The following SDK1 variants were observed in gnomAD, a reference collection of about 807,000 sequenced individuals.
SDK1 encodes the protein protein sidekick-1.
Under a neutral mutation model 245.5 loss-of-function variants are expected in SDK1, and 157 were observed. The observed-to-expected ratio is 0.64, with a 90% CI of 0.56 to 0.73. The LOEUF (loss-of-function observed/expected upper bound fraction) is 0.73, where lower values mean the gene tolerates loss of function less well. Among genes scored for constraint, SDK1 ranks in the 30% least tolerant of loss-of-function variants. The pLI is 0.00. For missense variants in SDK1, 3,583 were observed against 3,002.3 expected (o/e 1.19, Z -4.52); for synonymous variants, 1,647 against 1,278.5 (o/e 1.29, Z -6.15).
chr7:3,363,845 G>T (rs1363568159), intron 1 of SDK1, among the ~76,000 whole-genome samples: 1 of 152,200 alleles, frequency 6.6e-6, no homozygotes, highest in Non-Finnish European at 1.5e-5. Flanking sequence ...GGTAACAGTT[G>T]TTGGCCTGGG....
intron 38 of SDK1, among the ~76,000 whole-genome samples, chr7:4,211,665 A>C (rs1284417481): frequency 6.6e-6 from 1 of 152,114 alleles, no homozygotes; most frequent in African/African-American, 2.4e-5. Context: ...GCTGAAGTGC[A>C]GTGGCACGAT....
intron 1 of SDK1, among the ~76,000 whole-genome samples, chr7:3,332,459 T>C (rs1446035110): frequency 1.3e-5 from 2 of 152,192 alleles, no homozygotes; most frequent in Non-Finnish European, 2.9e-5. Context: ...ACTTAAAAAT[T>C]GCCCTTTTTC....
At chr7:3,589,222 G>C (rs1222543331) in intron 1 of SDK1, among the ~76,000 whole-genome samples, 2 of 152,090 alleles carry the variant, frequency 1.3e-5, no homozygotes, top group Non-Finnish European at 2.9e-5. Flanking sequence ...CAGTTGGTGC[G>C]GACTCTTTGA....
chr7:3,628,565 T>C (rs1456122672), intron 2 of SDK1, among the ~76,000 whole-genome samples: 5 of 152,086 alleles, frequency 3.3e-5, no homozygotes, highest in African/African-American at 9.7e-5. Flanking sequence ...ACAACAGATA[T>C]CTCTGGCAAC....
intron 5 of SDK1, among the ~76,000 whole-genome samples, chr7:3,939,598 G>C (rs144646142): frequency 6.6e-6 from 1 of 152,162 alleles, no homozygotes; most frequent in Admixed American, 6.5e-5. Flanking sequence ...GGATCTCCCT[G>C]CTGCCTGCAC....
intron 38 of SDK1, among the ~76,000 whole-genome samples, chr7:4,218,715 G>T (rs1045516496): frequency 6.6e-6 from 1 of 152,096 alleles, no homozygotes; most frequent in Non-Finnish European, 1.5e-5. Context: ...GACTCAGGAC[G>T]GTGGGTGCCA....
At chr7:3,375,215 T>A (rs1007202518) in intron 1 of SDK1, among the ~76,000 whole-genome samples, 2 of 152,070 alleles carry the variant, frequency 1.3e-5, no homozygotes, top group Non-Finnish European at 2.9e-5. Context: ...GTGAGAAAAT[T>A]TTAGAAAACA....
intron 4 of SDK1, among the ~76,000 whole-genome samples, chr7:3,728,929 C>T (rs1405590351): frequency 6.6e-6 from 1 of 151,880 alleles, no homozygotes; most frequent in Non-Finnish European, 1.5e-5. Context: ...AGAGACCTAT[C>T]TCTCTAAAAA....
chr7:4,210,516 A>G (rs1345248724), intron 38 of SDK1, among the ~76,000 whole-genome samples: 1 of 151,916 alleles, frequency 6.6e-6, no homozygotes, highest in African/African-American at 2.4e-5. Flanking sequence ...GTGGTCGCCG[A>G]CAGAGACCAC....
chr7:3,800,342 C>T (rs529073209), intron 4 of SDK1, among the ~76,000 whole-genome samples: 13 of 151,956 alleles, frequency 8.6e-5, no homozygotes, highest in African/African-American at 2.9e-4. Flanking sequence ...CTACACTAAT[C>T]GCCATCTTTT....
In SDK1 at chr7:3,948,217, C is replaced by A. The variant is rs1308608679; in HGVS notation, c.848-2706C>A. ...TGGTGGTTTCCATAAGTCAGATTCA[C>A]CTTGCAGGTGACCTTGTGTGTGTAT... On this transcript the variant is annotated intron_variant, in intron 5 of 44. Transcript: ENST00000404826. Among the ~76,000 whole-genome samples, 5 of 148,410 alleles carry A rather than the reference C, an allele frequency of 3.4e-5. No individual in the cohort carries two copies. The East Asian group carries it at 7.9e-4, about 23-fold the overall frequency.
At chr7:3,672,795 A>ATGT (rs55676850) in intron 4 of SDK1, among the ~76,000 whole-genome samples, 1 of 67,182 alleles carries the variant, frequency 1.5e-5, no homozygotes, top group South Asian at 5.3e-4. Flanking sequence ...ATATATATAT[A>ATGT]AAAAATACAG....
rs78290025 is a variant in SDK1 at position 4,145,367 on chromosome 7, G to A, written c.4229-355G>A. 7.8e-4 allele frequency among the ~76,000 whole-genome samples: 119 copies of A among 152,298 alleles called. 4 individuals are homozygous for A. In the East Asian group the frequency reaches 0.019, roughly 24 times the overall value. On this transcript the variant is annotated intron_variant, in intron 28 of 44. Coordinates refer to ENST00000404826, the MANE Select transcript of SDK1 (RefSeq NM_152744.4). ...AGAGAGCGACGGGGAGAGCCAGACT[G>A]CAGGAGGGAGGGAGAGGCAGAGACT... is the stretch of plus-strand genomic sequence containing the variant.
At chr7:3,905,707 CG>C (rs1778883866) in intron 5 of SDK1, among the ~76,000 whole-genome samples, 1 of 151,906 alleles carries the variant, frequency 6.6e-6, no homozygotes, top group Non-Finnish European at 1.5e-5. Flanking sequence ...ACTGTAACCC[CG>C]AACTCCTGGG....
chr7:3,848,752 A>T (rs1352999187), intron 5 of SDK1, among the ~76,000 whole-genome samples: 2 of 151,418 alleles, frequency 1.3e-5, no homozygotes, highest in Non-Finnish European at 2.9e-5. Context: ...GCTCACTGCA[A>T]CCTCCGCCTC....
At chr7:3,593,541 C>G (rs1448528156) in intron 1 of SDK1, among the ~76,000 whole-genome samples, 1 of 152,212 alleles carries the variant, frequency 6.6e-6, no homozygotes, top group African/African-American at 2.4e-5. Context: ...AGATGTTTGT[C>G]TTTCCTATTG....
chr7:4,158,574 C>G, intron 31 of SDK1, 23 bp downstream of exon 31: 2 of 1,568,308 alleles, frequency 1.3e-6, no homozygotes, highest in Non-Finnish European at 1.8e-6. Flanking sequence ...GGGCCCAGAC[C>G]GCGTTCCTGG....
At chr7:3,310,390 A>G (rs551005958) in intron 1 of SDK1, among the ~76,000 whole-genome samples, 66 of 152,346 alleles carry the variant, frequency 4.3e-4, no homozygotes, top group Non-Finnish European at 8.2e-4. Context: ...TGTAACAACA[A>G]TTGAGGTGAG....
chr7:3,864,563 A>G (rs977077954), intron 5 of SDK1, among the ~76,000 whole-genome samples: 1 of 152,210 alleles, frequency 6.6e-6, no homozygotes, highest in Non-Finnish European at 1.5e-5. Flanking sequence ...AGGTTTCCAG[A>G]CAACAAAACC....
Sources: gnomAD v4.1 joint callset for allele counts (sites outside exome capture counted in the v4.1 genomes callset) on GRCh38, gnomAD v4.1.1 for gene constraint, MANE v1.5 for transcripts, NCBI Gene and HGNC (gene_info 2026-07-23, HGNC 2026-07-21) for gene names.